CCDC91: variants seen among roughly 807,000 people sequenced by gnomAD.
CCDC91 encodes the protein coiled-coil domain-containing protein 91.
CCDC91 carries 48 observed loss-of-function variants against 63.2 expected under a neutral mutation model. That is an observed-to-expected ratio of 0.76 (90% CI 0.60 to 0.97). The LOEUF is 0.97. CCDC91 is among the 50% of genes least tolerant of loss of function. The pLI is 0.00. For missense variants in CCDC91, 500 were observed against 494.6 expected (o/e 1.01, Z -0.10); for synonymous variants, 167 against 165.8 (o/e 1.01, Z -0.06).
chr12:28,392,762 C>G (rs2139327013), intron 8 of CCDC91, among the ~76,000 whole-genome samples: 1 of 152,336 alleles, frequency 6.6e-6, no homozygotes, highest in African/African-American at 2.4e-5. Flanking sequence ...GCCATGGCCT[C>G]AAGCTCAAAA....
intron 12 of CCDC91, among the ~76,000 whole-genome samples, chr12:28,528,215 G>T (rs1941439318): frequency 6.6e-6 from 1 of 152,162 alleles, no homozygotes; most frequent in East Asian, 1.9e-4. Context: ...CTCCTCAAGG[G>T]CCCCTGTGAG....
chr12:28,288,015 G>A (rs1949011951), intron 3 of CCDC91, among the ~76,000 whole-genome samples: 1 of 152,102 alleles, frequency 6.6e-6, no homozygotes, highest in Non-Finnish European at 1.5e-5. Context: ...ACTGTTGTTG[G>A]TGTAATAGGA....
chr12:28,194,535 A>G (rs1286972273), intron 1 of CCDC91, among the ~76,000 whole-genome samples: 2 of 152,148 alleles, frequency 1.3e-5, no homozygotes. Context: ...AGACCTTTGC[A>G]GTGAGTGATA....
At chr12:28,199,961 A>G (rs779259894) in intron 1 of CCDC91, among the ~76,000 whole-genome samples, 1 of 152,036 alleles carries the variant, frequency 6.6e-6, no homozygotes, top group African/African-American at 2.4e-5. Flanking sequence ...AGCTTCTTAG[A>G]TGTATAGATT....
intron 3 of CCDC91, among the ~76,000 whole-genome samples, chr12:28,285,409 T>A (rs918180182): frequency 5.9e-5 from 9 of 152,114 alleles, no homozygotes; most frequent in Admixed American, 5.9e-4. Flanking sequence ...GAATGTTAAG[T>A]TAATTTACAA....
intron 1 of CCDC91, among the ~76,000 whole-genome samples, chr12:28,221,646 AC>A (rs1347881053): frequency 6.6e-6 from 1 of 152,124 alleles, no homozygotes; most frequent in African/African-American, 2.4e-5. Context: ...CTAAGGAGAT[AC>A]CCTCCTGAGG....
chr12:28,404,946 T>A (rs1946843348), intron 8 of CCDC91, among the ~76,000 whole-genome samples: 1 of 152,106 alleles, frequency 6.6e-6, no homozygotes, highest in South Asian at 2.1e-4. Flanking sequence ...ATTATATTTC[T>A]GTCTTTTAAT....
chr12:28,329,454 A>G (rs1941306038), intron 6 of CCDC91, among the ~76,000 whole-genome samples: 1 of 152,114 alleles, frequency 6.6e-6, no homozygotes, highest in East Asian at 1.9e-4. Flanking sequence ...TCTTGTGCAT[A>G]TACCTAAATA....
At chr12:28,201,008 C>T (rs1352765288) in intron 1 of CCDC91, among the ~76,000 whole-genome samples, 1 of 139,174 alleles carries the variant, frequency 7.2e-6, no homozygotes, top group Non-Finnish European at 1.6e-5. Context: ...GGGGCTGACC[C>T]CCCCACCTCC....
At chr12:28,387,291 T>TG (rs1243487887) in intron 7 of CCDC91, among the ~76,000 whole-genome samples, 3 of 151,464 alleles carry the variant, frequency 2.0e-5, no homozygotes, top group African/African-American at 7.4e-5. Flanking sequence ...TCCTTGTTGT[T>TG]ATACAAGTTC....
At chr12:28,244,763 A>G (rs1945603996) in intron 1 of CCDC91, among the ~76,000 whole-genome samples, 1 of 151,638 alleles carries the variant, frequency 6.6e-6, no homozygotes, top group Admixed American at 6.6e-5. Flanking sequence ...AATGGCATCT[A>G]GGCTCCAAGA....
At chr12:28,473,342 C>T (rs1311111841) in intron 11 of CCDC91, among the ~76,000 whole-genome samples, 2 of 152,152 alleles carry the variant, frequency 1.3e-5, no homozygotes, top group African/African-American at 4.8e-5. Context: ...CTAGTCAGCA[C>T]AAACAAAAGA....
chr12:28,316,695 C>G (rs1393205972), intron 6 of CCDC91, among the ~76,000 whole-genome samples: 4 of 148,582 alleles, frequency 2.7e-5, no homozygotes, highest in Admixed American at 6.8e-5. Context: ...GAAATTGGTT[C>G]TCTTAAACTT....
At chr12:28,391,631 G>C (rs1945954602) in intron 8 of CCDC91, among the ~76,000 whole-genome samples, 1 of 152,072 alleles carries the variant, frequency 6.6e-6, no homozygotes. Context: ...GATTATTCTT[G>C]TGTTAATTTA....
At chr12:28,371,919 G>A (rs917943126) in intron 7 of CCDC91, among the ~76,000 whole-genome samples, 2 of 152,158 alleles carry the variant, frequency 1.3e-5, no homozygotes, top group Non-Finnish European at 2.9e-5. Flanking sequence ...TTGCATTAGT[G>A]TGAAGAACTT....
At chr12:28,330,893 A>G (rs571028190) in intron 6 of CCDC91, among the ~76,000 whole-genome samples, 1 of 152,190 alleles carries the variant, frequency 6.6e-6, no homozygotes, top group Non-Finnish European at 1.5e-5. Context: ...TTTGCCCTTT[A>G]AAAAACAAAC....
intron 12 of CCDC91, among the ~76,000 whole-genome samples, chr12:28,547,745 G>A (rs1943088493): frequency 6.6e-6 from 1 of 152,078 alleles, no homozygotes; most frequent in African/African-American, 2.4e-5. Context: ...TTTTACAGGA[G>A]CATTTTGCTA....
At chr12:28,527,876 G>T (rs930370250) in intron 12 of CCDC91, among the ~76,000 whole-genome samples, 7 of 152,074 alleles carry the variant, frequency 4.6e-5, no homozygotes, top group Admixed American at 4.6e-4. Flanking sequence ...CCAGGAAACT[G>T]GGGGAAAGAC....
rs150444148 is a variant in CCDC91, at chr12:28,259,924, A to T, written c.109+482A>T. Among the ~76,000 whole-genome samples, 49 of 152,156 alleles carry T rather than the reference A, an allele frequency of 3.2e-4. No homozygotes were observed. In the East Asian group the frequency reaches 9.5e-3, roughly 29 times the overall value. On this transcript the variant is annotated intron_variant, in intron 3 of 12. Transcript: ENST00000536442. ...TGACAGATGTTTCTTGGAAGACCTC[A>T]TGTTTAATATTAATTTATGTCAAAA...
Sources: allele counts gnomAD v4.1 joint callset (sites outside exome capture counted in the v4.1 genomes callset), GRCh38; gene constraint gnomAD v4.1.1; transcripts MANE v1.5; gene names NCBI Gene and HGNC (gene_info 2026-07-23, HGNC 2026-07-21).